The following BTRC variants were observed in gnomAD, a reference collection of about 807,000 sequenced individuals.
The protein encoded by BTRC is F-box/WD repeat-containing protein 1A.
A neutral mutation model predicts 85.5 loss-of-function variants in BTRC; 42 were observed. The observed-to-expected ratio is 0.49, with a 90% CI of 0.38 to 0.64. The LOEUF (loss-of-function observed/expected upper bound fraction) is 0.64. Ranked by LOEUF, BTRC falls within the 30% of genes least tolerant of loss-of-function variation. The pLI is 0.00. For missense variants in BTRC, 594 were observed against 743.5 expected, an observed-to-expected ratio of 0.80 and a Z score of 2.34; for synonymous variants, 255 against 263.3, an observed-to-expected ratio of 0.97 and a Z score of 0.30.
chr10:101,367,083 T>A lies in BTRC; in HGVS notation c.48+12855T>A, dbSNP rs1291787523. 6.0e-4 allele frequency among the ~76,000 whole-genome samples: 71 copies of A among 118,344 alleles called. 1 individual carries two copies. The East Asian group carries it at 0.014, about 23-fold the overall frequency. The allele number at this position is 118,344 out of a possible 152,430, so 77.6% of individuals were successfully genotyped here. ...AAATATAAATATATATATATATATT[T>A]TTTTCGAGCTAGAGTCTCGCTCTGT... is the stretch of plus-strand genomic sequence containing the variant. On this transcript the variant is annotated intron_variant, in intron 1 of 14. Transcript: ENST00000370187.
chr10:101,549,424 C>CT (rs889196807), intron 13 of BTRC, among the ~76,000 whole-genome samples: 59 of 151,670 alleles, frequency 3.9e-4, no homozygotes, highest in African/African-American at 1.4e-3. Flanking sequence ...AAACAAGACT[C>CT]TGTCTCTAAA....
intron 1 of BTRC, among the ~76,000 whole-genome samples, chr10:101,404,009 T>C (rs1346106142): frequency 2.0e-4 from 4 of 19,784 alleles, no homozygotes; most frequent in Non-Finnish European, 4.4e-4. Flanking sequence ...TGTGTATATA[T>C]ATATATATAT....
chr10:101,547,318 T>C (rs907517807), intron 13 of BTRC, among the ~76,000 whole-genome samples: 1 of 148,246 alleles, frequency 6.7e-6, no homozygotes, highest in Non-Finnish European at 1.5e-5. Flanking sequence ...TAAGTAAATA[T>C]ATGGTTTTTC....
chr10:101,534,781 T>C lies in BTRC; in HGVS notation c.1218T>C (p.Ala406=), dbSNP rs2062359162. 2.5e-6 allele frequency: 4 copies of C among 1,614,094 alleles called. No individual in the cohort carries two copies. The highest frequency in any genetic ancestry group is 1.3e-5 in the African/African-American group (1 of 74,928). The change falls in exon 10 of 15, where the codon GCT becomes GCC. Residue 406 remains alanine, a synonymous_variant. Transcript: ENST00000370187. ...CCTGCTCCAAAGATCGTTCCATTGC[T>C]GTATGGGATATGGCCTCCCCAACTG... The part of the protein sequence containing the change: ...MVTCSKDRSI[A]VWDMASPTDI...
rs574323809 is a variant in BTRC at position 101,441,361 on chromosome 10, C to T, written c.156+10909C>T. ...TTAATGATTAGCTTTATTATTTAAACTCCAGGCTTGCCTCATGAGCAAACA... is the reference window on the plus strand; with the variant it reads ...TTAATGATTAGCTTTATTATTTAAATTCCAGGCTTGCCTCATGAGCAAACA... On this transcript the variant is annotated intron_variant, in intron 2 of 14. Coordinates refer to ENST00000370187, the MANE Select transcript of BTRC (RefSeq NM_033637.4). Among the ~76,000 whole-genome samples the T allele has an allele frequency of 2.6e-5, 4 of 152,302 alleles. 1 individual carries two copies. In the South Asian group the frequency reaches 8.3e-4, roughly 32 times the overall value.
intron 1 of BTRC, among the ~76,000 whole-genome samples, chr10:101,429,758 A>G (rs1261978937): frequency 7.2e-6 from 1 of 139,368 alleles, no homozygotes; most frequent in Non-Finnish European, 1.5e-5. Context: ...GTAACTGTGC[A>G]TTTTGGTTAA....
In BTRC at chr10:101,556,494, G is replaced by C. The variant is rs576149968; in HGVS notation, c.*3371G>C. The C allele has an allele frequency of 6.6e-6, 1 of 152,416 alleles. No individual in the cohort carries two copies. Among genetic ancestry groups the C allele is most frequent in the Admixed American group, 6.5e-5 (1 of 15,302 alleles). The allele number at this position is 152,416 out of a possible 1,614,324, so 9.4% of individuals were successfully genotyped here. ...ACACCCTCCAGTCTGTAGCAGAGCA[G>C]TCCAACCCAGATTAGTGCAGCCCGG... On this transcript the variant is annotated 3_prime_UTR_variant, in exon 15 of 15. Transcript: ENST00000370187.
chr10:101,549,785 T>A (rs1046642765), intron 13 of BTRC, among the ~76,000 whole-genome samples: 6 of 141,550 alleles, frequency 4.2e-5, no homozygotes, highest in Non-Finnish European at 9.1e-5. Flanking sequence ...TAGTAAGGGG[T>A]GTGAGATTGT....
At chr10:101,401,208 A>C (rs1943484508) in intron 1 of BTRC, among the ~76,000 whole-genome samples, 1 of 152,238 alleles carries the variant, frequency 6.6e-6, no homozygotes, top group Admixed American at 6.5e-5. Flanking sequence ...ATTTAAGTAC[A>C]GGTATAGGTG....
chr10:101,401,051 C>A (rs7085932), intron 1 of BTRC, among the ~76,000 whole-genome samples: 49,361 of 152,026 alleles, frequency 0.32, 10,464 homozygotes, highest in East Asian at 0.67. Context: ...GTAGTTATTT[C>A]AAATAATATT....
At chr10:101,430,303 T>C in intron 1 of BTRC, 42 bp from the exon 2 acceptor site, 3 of 1,387,570 alleles carry the variant, frequency 2.2e-6, no homozygotes, top group Non-Finnish European at 3.0e-6. Context: ...TGTGCCATCC[T>C]GTCTCATACT....
At chr10:101,514,515 C>T (rs1408188652) in intron 4 of BTRC, among the ~76,000 whole-genome samples, 1 of 151,394 alleles carries the variant, frequency 6.6e-6, no homozygotes, top group Non-Finnish European at 1.5e-5. Context: ...TGCAGTAGCA[C>T]AATCTAGGCT....
intron 1 of BTRC, among the ~76,000 whole-genome samples, chr10:101,369,566 T>G (rs139678043): frequency 6.6e-4 from 101 of 152,304 alleles, no homozygotes; most frequent in African/African-American, 2.3e-3. Context: ...TCTGAGAAGC[T>G]CTTTTAGAAG....
chr10:101,554,537 G>C lies in BTRC; in HGVS notation c.*1414G>C, dbSNP rs1338904045. On this transcript the variant is annotated 3_prime_UTR_variant, in exon 15 of 15. Transcript: ENST00000370187. The stretch of plus-strand genomic sequence containing the variant: ...TCTCCCACACCCAGTATTTGCAGAA[G>C]GGCAAAGCTGCTTAAGAGAGAGGAT... 1.3e-5 allele frequency: 2 copies of C among 152,634 alleles called. No homozygotes were observed. The highest frequency in any genetic ancestry group is 4.8e-5 in the African/African-American group (2 of 41,444). 9.5% of individuals were successfully genotyped at this position (152,634 alleles called of 1,614,324 possible).
intron 3 of BTRC, among the ~76,000 whole-genome samples, chr10:101,472,090 G>A (rs1047915389): frequency 3.9e-5 from 6 of 152,060 alleles, no homozygotes; most frequent in Non-Finnish European, 7.4e-5. Context: ...TAAAAACCAA[G>A]ATTCAAACAC....
intron 4 of BTRC, among the ~76,000 whole-genome samples, chr10:101,513,166 G>T (rs2061978482): frequency 1.3e-5 from 2 of 152,136 alleles, no homozygotes; most frequent in African/African-American, 4.8e-5. Context: ...GAGAATGGTA[G>T]AAGAAAGGGG....
intron 4 of BTRC, among the ~76,000 whole-genome samples, chr10:101,492,093 C>T (rs932671245): frequency 1.3e-5 from 2 of 151,970 alleles, no homozygotes; most frequent in African/African-American, 4.8e-5. Flanking sequence ...CAACATGGAG[C>T]ACTAAGACCA....
chr10:101,467,562 G>C (rs993956775), intron 3 of BTRC, among the ~76,000 whole-genome samples: 2 of 152,038 alleles, frequency 1.3e-5, no homozygotes, highest in Non-Finnish European at 2.9e-5. Context: ...ATGCTTAAGG[G>C]ACTGTCTTGT....
At chr10:101,412,214 A>T (rs1306917021) in intron 1 of BTRC, among the ~76,000 whole-genome samples, 1 of 152,158 alleles carries the variant, frequency 6.6e-6, no homozygotes, top group Non-Finnish European at 1.5e-5. Flanking sequence ...AGGTATTTGG[A>T]ACCTTTTTCT....
Sources: gnomAD v4.1 joint callset for allele counts (sites outside exome capture counted in the v4.1 genomes callset) on GRCh38, gnomAD v4.1.1 for gene constraint, MANE v1.5 for transcripts, NCBI Gene and HGNC (gene_info 2026-07-23, HGNC 2026-07-21) for gene names.